The following CNTNAP2 variants were observed in gnomAD, a reference collection of about 807,000 sequenced individuals.
CNTNAP2 encodes the protein contactin associated protein 2.
CNTNAP2 carries 98 observed loss-of-function variants against 155.2 expected under a neutral mutation model. That is an observed-to-expected ratio of 0.63 (90% CI 0.54 to 0.75). The LOEUF is 0.75. Among genes scored for constraint, CNTNAP2 ranks in the 30% least tolerant of loss-of-function variants. The probability of loss-of-function intolerance (pLI) is 0.00; values close to 1 mark genes in which losing one functional copy is unlikely to be tolerated. For missense variants in CNTNAP2, 1,727 were observed against 1,688.1 expected, an observed-to-expected ratio of 1.02 and a Z score of -0.40; for synonymous variants, 651 against 631.2, an observed-to-expected ratio of 1.03 and a Z score of -0.47.
At chr7:148,179,918 C>T (rs1319219314) in intron 18 of CNTNAP2, among the ~76,000 whole-genome samples, 2 of 152,144 alleles carry the variant, frequency 1.3e-5, no homozygotes, top group Non-Finnish European at 2.9e-5. Context: ...AGTGGGTTTG[C>T]CAAAAGCGGT....
intron 10 of CNTNAP2, among the ~76,000 whole-genome samples, chr7:147,423,622 T>A (rs961953730): frequency 6.6e-6 from 1 of 151,776 alleles, no homozygotes; most frequent in African/African-American, 2.4e-5. Flanking sequence ...TTCTTTGGAG[T>A]TTTCAATATC....
intron 3 of CNTNAP2, among the ~76,000 whole-genome samples, chr7:146,976,814 C>G (rs1268117919): frequency 6.6e-6 from 1 of 152,194 alleles, no homozygotes; most frequent in East Asian, 1.9e-4. Flanking sequence ...CAAAGCCTGT[C>G]TGTTCTGTCT....
chr7:147,923,480 AT>A (rs1268112908), intron 14 of CNTNAP2, among the ~76,000 whole-genome samples: 1 of 152,096 alleles, frequency 6.6e-6, no homozygotes, highest in Non-Finnish European at 1.5e-5. Context: ...CCTGGAGCAG[AT>A]TTTCCCCTAG....
intron 8 of CNTNAP2, among the ~76,000 whole-genome samples, chr7:147,271,765 T>A (rs1209484840): frequency 2.0e-5 from 3 of 152,166 alleles, no homozygotes; most frequent in Non-Finnish European, 4.4e-5. Context: ...GATTCAGCGA[T>A]CTCCTACCGG....
intron 1 of CNTNAP2, among the ~76,000 whole-genome samples, chr7:146,520,643 G>A (rs961524227): frequency 6.6e-6 from 1 of 151,658 alleles, no homozygotes; most frequent in African/African-American, 2.4e-5. Context: ...ATCCACTCTG[G>A]TAGCTATAAT....
intron 8 of CNTNAP2, among the ~76,000 whole-genome samples, chr7:147,299,031 G>A (rs544588518): frequency 6.6e-6 from 1 of 152,174 alleles, no homozygotes; most frequent in African/African-American, 2.4e-5. Context: ...ATTCGTTAGA[G>A]TTCTCTTTCT....
intron 12 of CNTNAP2, among the ~76,000 whole-genome samples, chr7:147,608,787 G>C (rs1801123271): frequency 6.6e-6 from 1 of 152,190 alleles, no homozygotes; most frequent in Non-Finnish European, 1.5e-5. Flanking sequence ...CCCGGGTGCA[G>C]GCGGGCTGAG....
chr7:147,501,894 T>C (rs1798821157), intron 11 of CNTNAP2, among the ~76,000 whole-genome samples: 1 of 152,178 alleles, frequency 6.6e-6, no homozygotes, highest in Admixed American at 6.5e-5. Context: ...TACAAAATCA[T>C]ACAAAAATCA....
chr7:146,467,165 C>T (rs1367427669), intron 1 of CNTNAP2, among the ~76,000 whole-genome samples: 1 of 152,006 alleles, frequency 6.6e-6, no homozygotes, highest in Non-Finnish European at 1.5e-5. Context: ...TGAAAATTAG[C>T]GTGTTAATTT....
rs1342263441 is a variant in CNTNAP2 at position 146,232,156 on chromosome 7, G to GGA, written c.97+115183_97+115184insGA. ...TTAAATCTGAGTTGATTAACAAGAT[G>GGA]ATATCCTTCATGGAAAAACTCACAG... is the stretch of plus-strand genomic sequence containing the variant. On this transcript the variant is annotated intron_variant, in intron 1 of 23. Coordinates refer to ENST00000361727, the MANE Select transcript of CNTNAP2 (RefSeq NM_014141.6). Among the ~76,000 whole-genome samples, 730 of 151,968 alleles carry GGA rather than the reference G, an allele frequency of 4.8e-3. 5 individuals are homozygous for GGA. Among genetic ancestry groups the GGA allele is most frequent in the African/African-American group, 0.017 (690 of 41,470 alleles).
chr7:146,764,404 A>T (rs1162437432), intron 1 of CNTNAP2, among the ~76,000 whole-genome samples: 2 of 152,120 alleles, frequency 1.3e-5, no homozygotes, highest in Non-Finnish European at 2.9e-5. Context: ...AAGTTATAAA[A>T]TTAAAACTTC....
chr7:147,038,489 C>G (rs928529130), intron 3 of CNTNAP2, among the ~76,000 whole-genome samples: 1 of 152,188 alleles, frequency 6.6e-6, no homozygotes, highest in Non-Finnish European at 1.5e-5. Flanking sequence ...TTAGATTTCT[C>G]AAATGATGTC....
intron 15 of CNTNAP2, among the ~76,000 whole-genome samples, chr7:148,060,753 T>C (rs1319229372): frequency 2.6e-5 from 4 of 152,234 alleles, no homozygotes; most frequent in African/African-American, 9.6e-5. Context: ...ATGCTAACTA[T>C]GCCTTTTTGT....
At chr7:147,652,616 G>A (rs1234622209) in intron 13 of CNTNAP2, among the ~76,000 whole-genome samples, 2 of 151,988 alleles carry the variant, frequency 1.3e-5, no homozygotes, top group Non-Finnish European at 2.9e-5. Context: ...TTCACCCAAG[G>A]AAAAACAGTA....
rs1184622759 is a variant in CNTNAP2 at position 147,464,408 on chromosome 7, AG to A, written c.1671-21526del. On this transcript the variant is annotated intron_variant, in intron 10 of 23. Coordinates refer to ENST00000361727, the MANE Select transcript of CNTNAP2 (RefSeq NM_014141.6). ...CTTGAACCCGGGAGGTGGAGGTTACAGTGGGCCAAGATCGCGCCACTGCACT... is the reference window on the plus strand; with the variant it reads ...CTTGAACCCGGGAGGTGGAGGTTACATGGGCCAAGATCGCGCCACTGCACT... 3.0e-4 allele frequency among the ~76,000 whole-genome samples: 45 copies of A among 148,148 alleles called. No homozygotes were observed. The Admixed American group carries it at 3.1e-3, about 10-fold the overall frequency.
intron 10 of CNTNAP2, among the ~76,000 whole-genome samples, chr7:147,458,310 T>A (rs1797957928): frequency 6.6e-6 from 1 of 152,138 alleles, no homozygotes; most frequent in Non-Finnish European, 1.5e-5. Context: ...TTGGCACTTG[T>A]CCTTATGTCC....
chr7:146,210,734 G>A (rs1799020878), intron 1 of CNTNAP2, among the ~76,000 whole-genome samples: 3 of 152,044 alleles, frequency 2.0e-5, no homozygotes, highest in Non-Finnish European at 2.9e-5. Flanking sequence ...CAAGACTGAC[G>A]GAATTCTAAT....
At chr7:147,662,166 G>A (rs1031690184) in intron 13 of CNTNAP2, among the ~76,000 whole-genome samples, 5 of 152,068 alleles carry the variant, frequency 3.3e-5, no homozygotes, top group South Asian at 2.1e-4. Context: ...AAACCCTCCC[G>A]ATCTGACATA....
intron 22 of CNTNAP2, among the ~76,000 whole-genome samples, chr7:148,398,375 T>A (rs1799513882): frequency 6.6e-6 from 1 of 152,264 alleles, no homozygotes; most frequent in African/African-American, 2.4e-5. Context: ...ATTCATCGTG[T>A]AAAGCTGAAA....
Sources: allele counts gnomAD v4.1 joint callset (sites outside exome capture counted in the v4.1 genomes callset), GRCh38; gene constraint gnomAD v4.1.1; transcripts MANE v1.5; gene names NCBI Gene and HGNC (gene_info 2026-07-23, HGNC 2026-07-21).